The following MACROD2 variants were observed in gnomAD, a reference collection of about 807,000 sequenced individuals.
MACROD2 encodes mono-ADP ribosylhydrolase 2, also known as ADP-ribose glycohydrolase MACROD2.
Under a neutral mutation model 70.4 loss-of-function variants are expected in MACROD2, and 36 were observed. The ratio of observed to expected loss-of-function variants is 0.51; its 90% CI spans 0.39 to 0.68. The LOEUF is 0.68. Ranked by LOEUF, MACROD2 falls within the 30% of genes least tolerant of loss-of-function variation. The pLI is 0.00. For missense variants in MACROD2, 496 were observed against 538.4 expected (o/e 0.92, Z 0.78); for synonymous variants, 172 against 178.8 (o/e 0.96, Z 0.30).
At chr20:15,484,701 T>C (rs1224698637) in intron 7 of MACROD2, among the ~76,000 whole-genome samples, 1 of 152,220 alleles carries the variant, frequency 6.6e-6, no homozygotes, top group Non-Finnish European at 1.5e-5. Flanking sequence ...CTAATATTCA[T>C]TGTGAGAACC....
At chr20:14,231,601 C>T (rs569371093) in intron 3 of MACROD2, among the ~76,000 whole-genome samples, 8 of 152,206 alleles carry the variant, frequency 5.3e-5, no homozygotes, top group Non-Finnish European at 1.0e-4. Flanking sequence ...AATAAACATA[C>T]GTGTGCATGT....
At chr20:15,051,359 T>A (rs2075439292) in intron 5 of MACROD2, among the ~76,000 whole-genome samples, 1 of 79,278 alleles carries the variant, frequency 1.3e-5, no homozygotes, top group East Asian at 5.8e-4. Context: ...TGTGTGTGTG[T>A]GTGTGTGTGT....
intron 8 of MACROD2, among the ~76,000 whole-genome samples, chr20:15,538,311 A>AT (rs1036170051): frequency 1.3e-5 from 2 of 152,170 alleles, no homozygotes; most frequent in Non-Finnish European, 2.9e-5. Context: ...AAGGGGATAG[A>AT]TTTTAAAGGG....
intron 5 of MACROD2, among the ~76,000 whole-genome samples, chr20:15,096,804 G>A (rs1383780508): frequency 7.8e-6 from 1 of 127,794 alleles, no homozygotes; most frequent in Non-Finnish European, 1.6e-5. Flanking sequence ...GAGCCACTAT[G>A]CTAATTTTTT....
intron 8 of MACROD2, among the ~76,000 whole-genome samples, chr20:15,794,940 T>C (rs1480747534): frequency 2.0e-5 from 3 of 152,150 alleles, no homozygotes; most frequent in Non-Finnish European, 4.4e-5. Context: ...GAATGTTGAA[T>C]AAGTAATTAA....
chr20:15,865,643 A>G (rs1464868120), intron 9 of MACROD2, among the ~76,000 whole-genome samples: 1 of 152,162 alleles, frequency 6.6e-6, no homozygotes, highest in Non-Finnish European at 1.5e-5. Context: ...GTTGGGGGAA[A>G]ATTGGGTTCA....
At chr20:15,788,474 GTT>G (rs1406531771) in intron 8 of MACROD2, among the ~76,000 whole-genome samples, 1 of 143,804 alleles carries the variant, frequency 7.0e-6, no homozygotes, top group African/African-American at 3.0e-5. Context: ...TATGACATGA[GTT>G]TTCACATGAT....
At chr20:14,179,817 G>T (rs1218136143) in intron 3 of MACROD2, among the ~76,000 whole-genome samples, 1 of 152,130 alleles carries the variant, frequency 6.6e-6, no homozygotes, top group East Asian at 1.9e-4. Context: ...TGGCTCAAAG[G>T]TCTGAGAGTA....
At chr20:15,289,975 C>G (rs569600975) in intron 6 of MACROD2, among the ~76,000 whole-genome samples, 22 of 152,330 alleles carry the variant, frequency 1.4e-4, no homozygotes, top group Non-Finnish European at 2.9e-4. Flanking sequence ...GTTTTCCAGT[C>G]TGAGCTATTG....
At chr20:14,013,507 C>T (rs867210853) in intron 2 of MACROD2, among the ~76,000 whole-genome samples, 6 of 151,848 alleles carry the variant, frequency 4.0e-5, no homozygotes, top group African/African-American at 7.3e-5. Context: ...CTCCTGACCT[C>T]GTGATCTGCC....
chr20:15,803,617 C>G (rs2063744864), intron 8 of MACROD2, among the ~76,000 whole-genome samples: 1 of 151,430 alleles, frequency 6.6e-6, no homozygotes, highest in Non-Finnish European at 1.5e-5. Flanking sequence ...TGATTTCCCA[C>G]AGTGCAAGGC....
intron 8 of MACROD2, among the ~76,000 whole-genome samples, chr20:15,694,673 T>A: frequency 6.6e-6 from 1 of 152,218 alleles, no homozygotes; most frequent in Non-Finnish European, 1.5e-5. Context: ...GGATTGTCTG[T>A]TTACTCTGCT....
intron 6 of MACROD2, among the ~76,000 whole-genome samples, chr20:15,295,639 C>A (rs893878967): frequency 3.1e-4 from 39 of 127,812 alleles, no homozygotes; most frequent in African/African-American, 1.0e-3. Context: ...ATGCACACAC[C>A]CCAGACCTTA....
At chr20:14,100,429 ATAATT>A (rs1203593152) in intron 3 of MACROD2, among the ~76,000 whole-genome samples, 1 of 148,160 alleles carries the variant, frequency 6.7e-6, no homozygotes, top group Non-Finnish European at 1.5e-5. Flanking sequence ...TATAGTATTA[ATAATT>A]TAAAGATATA....
At chr20:15,102,555 T>C (rs977217556) in intron 5 of MACROD2, among the ~76,000 whole-genome samples, 4 of 151,918 alleles carry the variant, frequency 2.6e-5, no homozygotes, top group Non-Finnish European at 4.4e-5. Context: ...TAGAAAAGAG[T>C]GGGAAGTATC....
chr20:14,133,368 A>G (rs1034670363), intron 3 of MACROD2, among the ~76,000 whole-genome samples: 5 of 152,216 alleles, frequency 3.3e-5, no homozygotes, highest in Non-Finnish European at 7.3e-5. Flanking sequence ...GATCATTTCC[A>G]ATACAAATAT....
chr20:15,831,727 G>C (rs536686968), intron 8 of MACROD2, among the ~76,000 whole-genome samples: 1 of 152,140 alleles, frequency 6.6e-6, no homozygotes, highest in South Asian at 2.1e-4. Flanking sequence ...CTGGCCTCAG[G>C]ACCTTGTGAA....
chr20:15,003,024 G>A (rs549583049), intron 5 of MACROD2, among the ~76,000 whole-genome samples: 2 of 152,102 alleles, frequency 1.3e-5, no homozygotes, highest in East Asian at 1.9e-4. Context: ...GATTGGTTTT[G>A]CTAACAGTAA....
At chr20:15,045,275 A>G (rs1333713855) in intron 5 of MACROD2, among the ~76,000 whole-genome samples, 1 of 152,206 alleles carries the variant, frequency 6.6e-6, no homozygotes, top group Non-Finnish European at 1.5e-5. Context: ...TCTTCTAAAT[A>G]ATGTCTGAGG....
Sources: gnomAD v4.1 joint callset for allele counts (sites outside exome capture counted in the v4.1 genomes callset) on GRCh38, gnomAD v4.1.1 for gene constraint, MANE v1.5 for transcripts, NCBI Gene and HGNC (gene_info 2026-07-23, HGNC 2026-07-21) for gene names.